Variants in RTN4 observed in about 807,000 individuals in gnomAD.
RTN4 encodes reticulon-4.
In RTN4, 32 loss-of-function variants were observed where a neutral mutation model predicts 90.4. The observed-to-expected ratio is 0.35, with a 90% CI of 0.27 to 0.48. The LOEUF is 0.48. Ranked by LOEUF, RTN4 falls within the 20% of genes least tolerant of loss-of-function variation. The probability of loss-of-function intolerance (pLI) is 0.99; values close to 1 mark genes in which losing one functional copy is unlikely to be tolerated. For synonymous variants in RTN4, 629 were observed against 552.5 expected (o/e 1.14, Z -1.94); for missense variants, 1,706 against 1,430.2 (o/e 1.19, Z -3.11).
chr2:54,987,554 C>A lies in RTN4; in HGVS notation c.3158G>T (p.Ser1053Ile). 1 of 1,614,182 alleles carries A rather than the reference C, an allele frequency of 6.2e-7. No homozygotes were observed. Among genetic ancestry groups the A allele is most frequent in the Non-Finnish European group, 8.5e-7 (1 of 1,180,020 alleles). The change falls in exon 4 of 9, where the codon AGC (serine) becomes ATC (isoleucine). Residue 1053 changes from serine to isoleucine, a missense_variant. By Grantham distance (142) the Ser-to-Ile change is moderately radical (BLOSUM62 -2). Transcript: ENST00000337526. Reference sequence around the variant, plus strand: ...GATCACACCCTTGTATATCCTAAAGCTGATGGTCACAGAGAGCAGGGCCAA... The same window carrying A: ...GATCACACCCTTGTATATCCTAAAGATGATGGTCACAGAGAGCAGGGCCAA... ...IALALLSVTI[S>I]FRIYKGVIQA...
chr2:55,088,816 A>C (rs1271726407), intron 1 of RTN4, among the ~76,000 whole-genome samples: 1 of 152,248 alleles, frequency 6.6e-6, no homozygotes, highest in African/African-American at 2.4e-5. Flanking sequence ...AAATTTATCC[A>C]ACAGTGGGTT....
intron 3 of RTN4, among the ~76,000 whole-genome samples, chr2:55,008,142 AACACACACACACAC>A (rs200633765): frequency 1.4e-5 from 2 of 145,028 alleles, no homozygotes; most frequent in Non-Finnish European, 3.0e-5. Flanking sequence ...TCGGCAAGCA[AACACACACACACAC>A]ACACACACAC....
intron 3 of RTN4, among the ~76,000 whole-genome samples, chr2:55,008,202 G>C (rs1416049236): frequency 6.7e-6 from 1 of 149,452 alleles, no homozygotes; most frequent in Non-Finnish European, 1.5e-5. Context: ...ACTGAAATCA[G>C]AGCATCTCTC....
At chr2:55,136,701 T>C in the RTN4 span, among the ~76,000 whole-genome samples, 7 of 152,238 alleles carry the variant, frequency 4.6e-5, no homozygotes, top group African/African-American at 1.7e-4. Context: ...AAAGTAGCTA[T>C]GAACATTTGA....
intron 7 of RTN4, 95 bp downstream of exon 7, chr2:54,973,726 T>G: frequency 1.3e-6 from 2 of 1,495,172 alleles, no homozygotes; most frequent in African/African-American, 2.8e-5. Context: ...TTCTCATTTT[T>G]GTAAGACATT....
intron 5 of RTN4, among the ~76,000 whole-genome samples, chr2:54,979,181 T>C (rs1375443928): frequency 6.6e-6 from 1 of 151,870 alleles, no homozygotes; most frequent in Non-Finnish European, 1.5e-5. Context: ...GCCTCCCAAG[T>C]AGCTGGGACT....
chr2:55,074,500 C>G (rs1347371375), intron 2 of RTN4, among the ~76,000 whole-genome samples: 1 of 145,320 alleles, frequency 6.9e-6, no homozygotes, highest in East Asian at 2.0e-4. Flanking sequence ...AAGACCCTGT[C>G]TCCCTGCTGC....
chr2:55,073,748 A>C (rs757820479), intron 2 of RTN4, among the ~76,000 whole-genome samples: 19 of 152,214 alleles, frequency 1.2e-4, no homozygotes, highest in Admixed American at 9.8e-4. Flanking sequence ...ATTTCAATCT[A>C]ACAGCTTGAT....
At chr2:55,061,168 CA>C (rs1668284859) in intron 2 of RTN4, among the ~76,000 whole-genome samples, 1 of 151,048 alleles carries the variant, frequency 6.6e-6, no homozygotes. Flanking sequence ...TGGGTTCCAG[CA>C]ATTTTCCTGC....
At chr2:55,041,778 A>T (rs1471655490) in intron 1 of RTN4, among the ~76,000 whole-genome samples, 1 of 152,074 alleles carries the variant, frequency 6.6e-6, no homozygotes, top group South Asian at 2.1e-4. Context: ...CATGGGGGAA[A>T]ATTTTTATGA....
chr2:55,005,816 TG>T (rs1321833460), intron 3 of RTN4, among the ~76,000 whole-genome samples: 2 of 152,174 alleles, frequency 1.3e-5, no homozygotes, highest in Non-Finnish European at 2.9e-5. Flanking sequence ...ACCCATAGGC[TG>T]GAAGTAATTT....
At chr2:55,116,368 T>A (rs555547858), upstream of RTN4, among the ~76,000 whole-genome samples, 116 of 152,240 alleles carry the variant, frequency 7.6e-4, no homozygotes, top group African/African-American at 2.7e-3. Context: ...CAAATGATGA[T>A]AAAAATAGAT....
intron 3 of RTN4, among the ~76,000 whole-genome samples, chr2:55,018,143 T>C (rs534937746): frequency 1.2e-3 from 189 of 152,314 alleles, no homozygotes; most frequent in African/African-American, 4.3e-3. Flanking sequence ...GATTTTATCA[T>C]CTATAAAATG....
chr2:55,106,926 T>G (rs911714108), intron 1 of RTN4, among the ~76,000 whole-genome samples: 4 of 152,180 alleles, frequency 2.6e-5, no homozygotes, highest in African/African-American at 9.7e-5. Flanking sequence ...AGCACCTGAA[T>G]GCTGAATATC....
chr2:55,068,090 C>T (rs1668425348), intron 2 of RTN4, among the ~76,000 whole-genome samples: 2 of 152,050 alleles, frequency 1.3e-5, no homozygotes, highest in Admixed American at 6.5e-5. Context: ...TGGCCTTAAG[C>T]AGATATGTGG....
Position 55,001,968 on chromosome 2 carries a change from T to C in RTN4, c.3014-14270A>G, listed in dbSNP as rs146474348. On this transcript the variant is annotated intron_variant, in intron 3 of 8. Transcript: ENST00000337526. ...TGCACGGCTGTGATTATAAACTAAATTATGTTAAGAATGAACTAAAATAAA... is the reference window on the plus strand; with the variant it reads ...TGCACGGCTGTGATTATAAACTAAACTATGTTAAGAATGAACTAAAATAAA... 2.8e-3 allele frequency among the ~76,000 whole-genome samples: 430 copies of C among 152,292 alleles called. 2 individuals are homozygous for C. Among genetic ancestry groups the C allele is most frequent in the African/African-American group, 9.7e-3 (403 of 41,554 alleles).
chr2:55,055,011 T>TA (rs1370146417), upstream of RTN4, among the ~76,000 whole-genome samples: 8 of 152,078 alleles, frequency 5.3e-5, no homozygotes, highest in Non-Finnish European at 1.2e-4. Context: ...CATTGACAGT[T>TA]AGTGTTGGAT....
At chr2:55,041,789 T>A (rs573358136) in intron 1 of RTN4, among the ~76,000 whole-genome samples, 1 of 152,032 alleles carries the variant, frequency 6.6e-6, no homozygotes, top group Non-Finnish European at 1.5e-5. Context: ...ATTTTTATGA[T>A]CCTCAAGAAG....
chr2:55,004,529 T>C (rs1680069980), intron 3 of RTN4, among the ~76,000 whole-genome samples: 1 of 152,180 alleles, frequency 6.6e-6, no homozygotes, highest in Non-Finnish European at 1.5e-5. Context: ...TCTACAGAAG[T>C]TCCTTCAGTT....
Sources: allele counts gnomAD v4.1 joint callset (sites outside exome capture counted in the v4.1 genomes callset), GRCh38; gene constraint gnomAD v4.1.1; transcripts MANE v1.5; gene names NCBI Gene and HGNC (gene_info 2026-07-23, HGNC 2026-07-21).